ARL15: variants seen among roughly 807,000 people sequenced by gnomAD.
The protein encoded by ARL15 is ADP-ribosylation factor-like protein 15.
In ARL15, 19 loss-of-function variants were observed where a neutral mutation model predicts 25.2. That is an observed-to-expected ratio of 0.75 (90% CI 0.53 to 1.10). The LOEUF is 1.10. Among genes scored for constraint, ARL15 ranks in the 50% least tolerant of loss-of-function variants. ARL15 has a pLI of 0.00. For synonymous variants in ARL15, 94 were observed against 86.8 expected (o/e 1.08, Z -0.46); for missense variants, 220 against 246.0 (o/e 0.89, Z 0.71).
At chr5:54,058,251 C>A (rs770616840) in intron 4 of ARL15, among the ~76,000 whole-genome samples, 5 of 152,038 alleles carry the variant, frequency 3.3e-5, no homozygotes, top group Non-Finnish European at 5.9e-5. Context: ...GGTGATCTGC[C>A]CGCCTCGGCC....
chr5:54,197,256 G>T (rs1169678721), intron 1 of ARL15, among the ~76,000 whole-genome samples: 1 of 152,052 alleles, frequency 6.6e-6, no homozygotes, highest in East Asian at 1.9e-4. Context: ...GCATGAACTT[G>T]TCTGGGTGCT....
At chr5:54,110,760 C>T (rs555217047) in intron 4 of ARL15, among the ~76,000 whole-genome samples, 1 of 152,140 alleles carries the variant, frequency 6.6e-6, no homozygotes, top group African/African-American at 2.4e-5. Flanking sequence ...GCTCACTTTT[C>T]AATCTTCTAC....
chr5:53,926,361 G>T (rs1186338843), intron 4 of ARL15, among the ~76,000 whole-genome samples: 2 of 152,168 alleles, frequency 1.3e-5, no homozygotes, highest in Non-Finnish European at 2.9e-5. Flanking sequence ...GGAAGAAAGG[G>T]CTGTCTAGTG....
intron 1 of ARL15, among the ~76,000 whole-genome samples, chr5:54,273,553 A>G (rs745410247): frequency 1.3e-5 from 2 of 152,202 alleles, no homozygotes; most frequent in Non-Finnish European, 2.9e-5. Context: ...TTGAATACCT[A>G]CTGTCTGGAT....
At chr5:54,166,051 C>T (rs560775232) in intron 2 of ARL15, among the ~76,000 whole-genome samples, 1 of 152,260 alleles carries the variant, frequency 6.6e-6, no homozygotes, top group Admixed American at 6.5e-5. Flanking sequence ...AATATCCAGA[C>T]TAATGTCTGA....
chr5:54,048,819 G>T (rs899996165), intron 4 of ARL15, among the ~76,000 whole-genome samples: 1 of 149,946 alleles, frequency 6.7e-6, no homozygotes, highest in Non-Finnish European at 1.5e-5. Flanking sequence ...ACAACAGTCC[G>T]ACATTTGGGG....
chr5:53,940,426 A>C (rs1331221040), intron 4 of ARL15, among the ~76,000 whole-genome samples: 2 of 152,238 alleles, frequency 1.3e-5, no homozygotes, highest in Non-Finnish European at 2.9e-5. Flanking sequence ...ATAAAATTAA[A>C]CTTTGAAAGA....
At position 53,886,275 on chromosome 5, in the gene ARL15, T is replaced by C; in HGVS notation, c.*286A>G. On this transcript the variant is annotated 3_prime_UTR_variant, in exon 5 of 5. Transcript: ENST00000504924. ...GAATTCCATCCGTTTCAGCACAGAGTATAGAAGAGATGCTTAGAACAACAG... is the reference window on the plus strand; with the variant it reads ...GAATTCCATCCGTTTCAGCACAGAGCATAGAAGAGATGCTTAGAACAACAG... 3.2e-6 allele frequency: 1 copy of C among 308,502 alleles called. No individual in the cohort carries two copies. Among genetic ancestry groups the C allele is most frequent in the South Asian group, 4.7e-5 (1 of 21,360 alleles). The allele number at this position is 308,502 out of a possible 1,614,324, so 19.1% of individuals were successfully genotyped here.
At chr5:54,139,162 G>A (rs1229960382) in intron 3 of ARL15, among the ~76,000 whole-genome samples, 1 of 152,032 alleles carries the variant, frequency 6.6e-6, no homozygotes, top group African/African-American at 2.4e-5. Context: ...CCCACTACTA[G>A]GTATCTACCT....
At chr5:54,227,490 G>C (rs1756557777) in intron 1 of ARL15, among the ~76,000 whole-genome samples, 1 of 152,214 alleles carries the variant, frequency 6.6e-6, no homozygotes, top group African/African-American at 2.4e-5. Flanking sequence ...TGGGCCAGAA[G>C]ACTTGCTCAA....
At chr5:54,217,275 A>G (rs955422970) in intron 1 of ARL15, among the ~76,000 whole-genome samples, 1 of 151,808 alleles carries the variant, frequency 6.6e-6, no homozygotes, top group African/African-American at 2.4e-5. Flanking sequence ...TTCCCTAAAA[A>G]TATCTTAAAA....
In ARL15 at chr5:53,957,535, G is replaced by A. The variant is rs75212374; in HGVS notation, c.463-70822C>T. Among the ~76,000 whole-genome samples, 311 of 152,170 alleles carry A rather than the reference G, an allele frequency of 2.0e-3. 1 individual carries two copies. The highest frequency in any genetic ancestry group is 7.0e-3 in the African/African-American group (291 of 41,512). The stretch of plus-strand genomic sequence containing the variant: ...CTATAACAAAGACATAAAGAATGCC[G>A]TTAAAAGTAACCAAATGGAGCCAGG... On this transcript the variant is annotated intron_variant, in intron 4 of 4. Coordinates refer to ENST00000504924, the MANE Select transcript of ARL15 (RefSeq NM_019087.3).
chr5:54,008,222 C>A (rs981854519), intron 4 of ARL15, among the ~76,000 whole-genome samples: 1 of 152,040 alleles, frequency 6.6e-6, no homozygotes, highest in African/African-American at 2.4e-5. Context: ...TGAGTAACCA[C>A]CTAAGACAGA....
intron 4 of ARL15, among the ~76,000 whole-genome samples, chr5:53,998,792 C>G (rs1052285919): frequency 6.6e-6 from 1 of 152,110 alleles, no homozygotes; most frequent in Non-Finnish European, 1.5e-5. Context: ...CTGGTCCCTG[C>G]TTATGGTCTA....
intron 1 of ARL15, among the ~76,000 whole-genome samples, chr5:54,267,847 T>C (rs1283458299): frequency 6.6e-6 from 1 of 152,162 alleles, no homozygotes; most frequent in East Asian, 1.9e-4. Context: ...GCTGTTAGTC[T>C]GATGGGCTTC....
chr5:54,223,459 C>T (rs962365865), intron 1 of ARL15, among the ~76,000 whole-genome samples: 6 of 152,088 alleles, frequency 3.9e-5, no homozygotes, highest in African/African-American at 1.4e-4. Flanking sequence ...TGAATGCGAT[C>T]CCAGAGTTTC....
At chr5:54,083,283 G>A (rs1300553458) in intron 4 of ARL15, among the ~76,000 whole-genome samples, 3 of 152,174 alleles carry the variant, frequency 2.0e-5, no homozygotes, top group African/African-American at 7.2e-5. Flanking sequence ...CAAATACATA[G>A]TACCACTGTG....
At position 53,986,476 on chromosome 5, in the gene ARL15, G is replaced by A. The variant is rs116614997; in HGVS notation, c.463-99763C>T. 6.5e-3 allele frequency among the ~76,000 whole-genome samples: 984 copies of A among 152,284 alleles called. 4 individuals are homozygous for A. The highest frequency in any genetic ancestry group is 9.1e-3 in the Non-Finnish European group (622 of 68,020). On this transcript the variant is annotated intron_variant, in intron 4 of 4. Coordinates refer to ENST00000504924, the MANE Select transcript of ARL15 (RefSeq NM_019087.3). ...TGTGAGCTAAAATCTGTGTTAAAAT[G>A]TAGACTGCCAGCCTCCACTCCAGAC...
chr5:54,250,386 G>C (rs544749692), intron 1 of ARL15, among the ~76,000 whole-genome samples: 4 of 152,290 alleles, frequency 2.6e-5, no homozygotes, highest in Admixed American at 2.0e-4. Context: ...TGGCTAAGCA[G>C]GGAAATAAAA....
Sources: gnomAD v4.1 joint callset for allele counts (sites outside exome capture counted in the v4.1 genomes callset) on GRCh38, gnomAD v4.1.1 for gene constraint, MANE v1.5 for transcripts, NCBI Gene and HGNC (gene_info 2026-07-23, HGNC 2026-07-21) for gene names.